The following GRM7 variants were observed in gnomAD, a reference collection of about 807,000 sequenced individuals.
GRM7 encodes metabotropic glutamate receptor 7.
A neutral mutation model predicts 84.5 loss-of-function variants in GRM7; 35 were observed. That is an observed-to-expected ratio of 0.41 (90% CI 0.32 to 0.55). GRM7 has a LOEUF of 0.55. Ranked by LOEUF, GRM7 falls within the 20% of genes least tolerant of loss-of-function variation. The probability of loss-of-function intolerance (pLI) is 0.19; values close to 1 mark genes in which losing one functional copy is unlikely to be tolerated. For missense variants in GRM7, 1,003 were observed against 1,194.6 expected, an observed-to-expected ratio of 0.84 and a Z score of 2.36; for synonymous variants, 487 against 455.1, an observed-to-expected ratio of 1.07 and a Z score of -0.89.
intron 2 of GRM7, among the ~76,000 whole-genome samples, chr3:7,214,114 C>CAAAAAAAAA (rs34038958): frequency 2.4e-5 from 3 of 126,602 alleles, no homozygotes; most frequent in Non-Finnish European, 5.1e-5. Context: ...ACTAATCAGC[C>CAAAAAAAAA]AAAAAAAAAA....
chr3:7,120,480 GTAGC>G (rs979430644), intron 1 of GRM7, among the ~76,000 whole-genome samples: 16 of 152,174 alleles, frequency 1.1e-4, no homozygotes, highest in African/African-American at 3.9e-4. Flanking sequence ...ATCCCCTTAG[GTAGC>G]TACAAAAACA....
At chr3:6,954,225 G>A (rs2125073103) in intron 1 of GRM7, among the ~76,000 whole-genome samples, 1 of 152,256 alleles carries the variant, frequency 6.6e-6, no homozygotes, top group Middle Eastern at 3.4e-3. Flanking sequence ...AGTGTGTTGT[G>A]TACATGTCAA....
At chr3:6,958,720 T>C (rs997400940) in intron 1 of GRM7, among the ~76,000 whole-genome samples, 2 of 152,172 alleles carry the variant, frequency 1.3e-5, no homozygotes, top group Non-Finnish European at 2.9e-5. Flanking sequence ...ATGTTACCAA[T>C]TTCATACCCT....
intron 2 of GRM7, among the ~76,000 whole-genome samples, chr3:7,148,499 T>A (rs1187731134): frequency 6.6e-6 from 1 of 152,284 alleles, no homozygotes; most frequent in East Asian, 1.9e-4. Flanking sequence ...GTCAAAATCA[T>A]GTTGATTATT....
At chr3:7,553,925 G>T (rs537943667) in intron 7 of GRM7, among the ~76,000 whole-genome samples, 1 of 152,210 alleles carries the variant, frequency 6.6e-6, no homozygotes, top group South Asian at 2.1e-4. Context: ...TAGCAGGAAG[G>T]GACATGGACA....
intron 1 of GRM7, among the ~76,000 whole-genome samples, chr3:7,127,503 G>A (rs1693441203): frequency 6.6e-6 from 1 of 152,144 alleles, no homozygotes; most frequent in African/African-American, 2.4e-5. Context: ...ATTCAAAGCA[G>A]CTGCTTTCTA....
chr3:7,012,545 C>A (rs545732279), intron 1 of GRM7, among the ~76,000 whole-genome samples: 1 of 152,140 alleles, frequency 6.6e-6, no homozygotes, highest in Admixed American at 6.5e-5. Context: ...CCTTTCTGAC[C>A]TTCCCCCATC....
At chr3:6,941,050 T>G (rs1697875508) in intron 1 of GRM7, among the ~76,000 whole-genome samples, 1 of 152,188 alleles carries the variant, frequency 6.6e-6, no homozygotes, top group Admixed American at 6.5e-5. Context: ...TCCCTGCCTC[T>G]CTTGAGTCAC....
At chr3:6,960,728 A>G (rs1355900803) in intron 1 of GRM7, among the ~76,000 whole-genome samples, 3 of 152,196 alleles carry the variant, frequency 2.0e-5, no homozygotes, top group Non-Finnish European at 4.4e-5. Flanking sequence ...TGACTTGAAT[A>G]GAAAATTGAC....
chr3:7,674,571 A>T (rs1214908527), intron 8 of GRM7, among the ~76,000 whole-genome samples: 1 of 152,242 alleles, frequency 6.6e-6, no homozygotes, highest in Admixed American at 6.5e-5. Flanking sequence ...GCTAATTAAC[A>T]TACTCATTTA....
At chr3:7,190,171 A>G (rs1695663038) in intron 2 of GRM7, among the ~76,000 whole-genome samples, 1 of 152,050 alleles carries the variant, frequency 6.6e-6, no homozygotes, top group Admixed American at 6.6e-5. Context: ...ACATCCATTG[A>G]CACTATCTGC....
At chr3:7,329,784 G>A (rs926484461) in intron 4 of GRM7, among the ~76,000 whole-genome samples, 12 of 152,060 alleles carry the variant, frequency 7.9e-5, no homozygotes, top group African/African-American at 2.9e-4. Flanking sequence ...ATCTGTGAGT[G>A]GGGGTATATA....
chr3:7,057,539 T>C (rs1237425267), intron 1 of GRM7, among the ~76,000 whole-genome samples: 2 of 151,946 alleles, frequency 1.3e-5, no homozygotes, highest in Admixed American at 1.3e-4. Flanking sequence ...TTTCAACAAA[T>C]CAAATGTTTT....
At chr3:7,479,495 C>T (rs1349849120) in intron 7 of GRM7, among the ~76,000 whole-genome samples, 1 of 152,154 alleles carries the variant, frequency 6.6e-6, no homozygotes. Context: ...GCTACAGATA[C>T]TTCCCTCCCA....
chr3:7,514,209 C>A (rs1174669266), intron 7 of GRM7, among the ~76,000 whole-genome samples: 1 of 152,132 alleles, frequency 6.6e-6, no homozygotes, highest in South Asian at 2.1e-4. Context: ...TGTAACACAT[C>A]CTATACAAAA....
intron 4 of GRM7, among the ~76,000 whole-genome samples, chr3:7,391,518 T>C (rs932190642): frequency 2.0e-5 from 3 of 151,970 alleles, no homozygotes; most frequent in African/African-American, 7.3e-5. Context: ...ATGAGAACAC[T>C]TGGACACAGG....
intron 1 of GRM7, among the ~76,000 whole-genome samples, chr3:7,128,967 T>G (rs976224306): frequency 1.3e-5 from 2 of 152,212 alleles, no homozygotes; most frequent in African/African-American, 4.8e-5. Flanking sequence ...TGAAAGATTC[T>G]TAAACTTGCT....
At chr3:7,168,628 A>G (rs969527637) in intron 2 of GRM7, among the ~76,000 whole-genome samples, 2 of 152,180 alleles carry the variant, frequency 1.3e-5, no homozygotes, top group African/African-American at 4.8e-5. Context: ...ACATTTTGTT[A>G]TAGCAGCCCA....
At chr3:7,060,786 G>A (rs1052644507) in intron 1 of GRM7, among the ~76,000 whole-genome samples, 1 of 151,686 alleles carries the variant, frequency 6.6e-6, no homozygotes, top group Non-Finnish European at 1.5e-5. Flanking sequence ...TATTTTTGTT[G>A]AGAAAGGTAG....
Sources: gnomAD v4.1 joint callset for allele counts (sites outside exome capture counted in the v4.1 genomes callset) on GRCh38, gnomAD v4.1.1 for gene constraint, MANE v1.5 for transcripts, NCBI Gene and HGNC (gene_info 2026-07-23, HGNC 2026-07-21) for gene names.